The following BIRC6 variants were observed in gnomAD, a reference collection of about 807,000 sequenced individuals.
BIRC6 encodes the protein dual E2 ubiquitin-conjugating enzyme/E3 ubiquitin-protein ligase BIRC6.
BIRC6 carries 98 observed loss-of-function variants against 503.3 expected under a neutral mutation model. The observed-to-expected ratio is 0.19, with a 90% CI of 0.17 to 0.23. The LOEUF is 0.23. BIRC6 is among the 10% of genes least tolerant of loss of function. The pLI is 1.00. For missense variants in BIRC6, 5,360 were observed against 5,806.0 expected, an observed-to-expected ratio of 0.92 and a Z score of 2.50; for synonymous variants, 2,240 against 2,078.7, an observed-to-expected ratio of 1.08 and a Z score of -2.11.
At chr2:32,455,621 C>T (rs532351722) in intron 23 of BIRC6, among the ~76,000 whole-genome samples, 3 of 152,010 alleles carry the variant, frequency 2.0e-5, no homozygotes, top group Admixed American at 6.6e-5. Context: ...AGTGAGACTC[C>T]GTCTCAAAAA....
chr2:32,470,958 A>C (rs2049034819), intron 31 of BIRC6, 56 bp from the exon 32 acceptor site: 1 of 1,519,774 alleles, frequency 6.6e-7, no homozygotes, highest in African/African-American at 1.4e-5. Context: ...TATCAGATCT[A>C]ATTAGGAATC....
intron 10 of BIRC6, among the ~76,000 whole-genome samples, chr2:32,417,461 T>C (rs1177198763): frequency 3.9e-5 from 6 of 152,154 alleles, no homozygotes; most frequent in African/African-American, 1.4e-4. Context: ...TTTACTTATA[T>C]ACATTTTAAG....
chr2:32,472,566 A>T (rs1401553375), intron 32 of BIRC6, among the ~76,000 whole-genome samples: 2 of 152,142 alleles, frequency 1.3e-5, no homozygotes, highest in Non-Finnish European at 2.9e-5. Flanking sequence ...TTAGGAAAAG[A>T]TGTTTTGGGA....
In BIRC6 at chr2:32,520,773, C is replaced by T. The variant is rs138024351; in HGVS notation, c.11623+1827C>T. Among the ~76,000 whole-genome samples the T allele has an allele frequency of 4.5e-3, 683 of 152,242 alleles. 3 individuals carry two copies. Among genetic ancestry groups the T allele is most frequent in the Non-Finnish European group, 7.6e-3 (518 of 68,022 alleles). On this transcript the variant is annotated intron_variant, in intron 57 of 73. Coordinates refer to ENST00000421745, the MANE Select transcript of BIRC6 (RefSeq NM_016252.4). ...TGGAGGTTACGGTGAGCCGAGATTG[C>T]GCCACTGCACTCCAGCCTGGACGAC...
chr2:32,402,228 A>C (rs2040686122), intron 8 of BIRC6, among the ~76,000 whole-genome samples: 1 of 152,212 alleles, frequency 6.6e-6, no homozygotes, highest in South Asian at 2.1e-4. Flanking sequence ...TGGGAGAGTC[A>C]AAGTATCACC....
At chr2:32,385,786 C>A (rs1228816056) in intron 3 of BIRC6, among the ~76,000 whole-genome samples, 1 of 152,208 alleles carries the variant, frequency 6.6e-6, no homozygotes, top group African/African-American at 2.4e-5. Flanking sequence ...TTTCTTGATA[C>A]TTGGATTAGA....
At chr2:32,478,920 C>T in intron 36 of BIRC6, 102 bp downstream of exon 36, 9 of 1,112,154 alleles carry the variant, frequency 8.1e-6, no homozygotes, top group Non-Finnish European at 1.0e-5. Context: ...GATCTTTAAC[C>T]CCCTAAAAGC....
intron 63 of BIRC6, among the ~76,000 whole-genome samples, 198 bp downstream of exon 63, chr2:32,546,058 C>A (rs1419447262): frequency 6.6e-6 from 1 of 152,098 alleles, no homozygotes; most frequent in Non-Finnish European, 1.5e-5. Context: ...AGAAACCTAT[C>A]TACTTGAAAA....
chr2:32,610,183 C>G (rs1375920448), intron 72 of BIRC6, among the ~76,000 whole-genome samples: 4 of 152,154 alleles, frequency 2.6e-5, no homozygotes, highest in Non-Finnish European at 5.9e-5. Context: ...CCAGAGCTTT[C>G]TAGTGATTTT....
At chr2:32,587,825 CAT>C (rs1040137333) in intron 66 of BIRC6, among the ~76,000 whole-genome samples, 1 of 152,246 alleles carries the variant, frequency 6.6e-6, no homozygotes, top group African/African-American at 2.4e-5. Flanking sequence ...TCCTTTTACT[CAT>C]GTGTTTTCAC....
intron 56 of BIRC6, among the ~76,000 whole-genome samples, 158 bp downstream of exon 56, chr2:32,518,555 G>A (rs1005606657): frequency 6.6e-6 from 1 of 152,154 alleles, no homozygotes; most frequent in Non-Finnish European, 1.5e-5. Context: ...TTTCAGGATA[G>A]CGCTCTCCCT....
intron 65 of BIRC6, 198 bp from the exon 66 acceptor site, chr2:32,574,958 G>C (rs2060163597): frequency 3.4e-6 from 2 of 593,118 alleles, no homozygotes; most frequent in East Asian, 5.7e-5. Flanking sequence ...ATGTTGGTCA[G>C]GCTGGTCTCG....
chr2:32,445,426 A>G, intron 20 of BIRC6, 95 bp from the exon 21 acceptor site: 2 of 1,225,214 alleles, frequency 1.6e-6, no homozygotes, highest in East Asian at 2.6e-5. Flanking sequence ...CTTTCTAGCA[A>G]AAGGAAGTAT....
intron 11 of BIRC6, among the ~76,000 whole-genome samples, chr2:32,429,619 T>C (rs920470195): frequency 2.6e-5 from 4 of 152,122 alleles, no homozygotes; most frequent in Admixed American, 2.6e-4. Flanking sequence ...AGGATATATT[T>C]AGGTGGTATA....
intron 66 of BIRC6, among the ~76,000 whole-genome samples, chr2:32,587,114 C>T (rs555655579): frequency 2.4e-4 from 37 of 152,324 alleles, no homozygotes; most frequent in African/African-American, 8.7e-4. Flanking sequence ...AGGGGCCGGA[C>T]ATTGTGGCTT....
At chr2:32,468,976 T>G (rs1337695654) in intron 29 of BIRC6, among the ~76,000 whole-genome samples, 193 bp downstream of exon 29, 1 of 152,218 alleles carries the variant, frequency 6.6e-6, no homozygotes, top group African/African-American at 2.4e-5. Context: ...TGAAGTTGTG[T>G]GTGTTTTTTT....
intron 70 of BIRC6, among the ~76,000 whole-genome samples, chr2:32,601,488 G>A (rs1416944708): frequency 6.6e-6 from 1 of 152,230 alleles, no homozygotes; most frequent in Non-Finnish European, 1.5e-5. Context: ...GGCTGAGGCA[G>A]GAGAAGTGCT....
At chr2:32,454,071 A>T (rs879131103) in intron 23 of BIRC6, 129 bp downstream of exon 23, 2 of 782,726 alleles carry the variant, frequency 2.6e-6, no homozygotes, top group African/African-American at 3.6e-5. Context: ...TATTTGTGGG[A>T]GGGGCATTTG....
At chr2:32,574,839 C>G (rs2060155214) in intron 65 of BIRC6, 3 of 357,024 alleles carry the variant, frequency 8.4e-6, no homozygotes, top group Non-Finnish European at 1.6e-5. Flanking sequence ...GTCTCCGCCT[C>G]CCAGGTTCAA....
Sources: allele counts gnomAD v4.1 joint callset (sites outside exome capture counted in the v4.1 genomes callset), GRCh38; gene constraint gnomAD v4.1.1; transcripts MANE v1.5; gene names NCBI Gene and HGNC (gene_info 2026-07-23, HGNC 2026-07-21).